Variants in SCHIP1 observed in about 807,000 individuals in gnomAD.
The protein encoded by SCHIP1 is schwannomin-interacting protein 1.
A neutral mutation model predicts 29.7 loss-of-function variants in SCHIP1; 8 were observed. The observed-to-expected ratio is 0.27, with a 90% CI of 0.16 to 0.49. SCHIP1 has a LOEUF of 0.49. Among genes scored for constraint, SCHIP1 ranks in the 20% least tolerant of loss-of-function variants. SCHIP1 has a pLI of 0.99. For synonymous variants in SCHIP1, 76 were observed against 94.9 expected, an observed-to-expected ratio of 0.80 and a Z score of 1.16; for missense variants, 193 against 294.6, an observed-to-expected ratio of 0.66 and a Z score of 2.52.
chr3:159,661,772 G>A, the SCHIP1 span, among the ~76,000 whole-genome samples: 1 of 152,044 alleles, frequency 6.6e-6, no homozygotes, highest in Non-Finnish European at 1.5e-5. Context: ...CTTTTCCAAG[G>A]GAGGAAAAGG....
the SCHIP1 span, among the ~76,000 whole-genome samples, chr3:159,502,476 C>A: frequency 6.6e-6 from 1 of 151,870 alleles, no homozygotes; most frequent in Admixed American, 6.6e-5. Context: ...AGCTTCATTT[C>A]TTTTTTTAAA....
chr3:159,864,215 G>T (rs1465667708), intron 1 of SCHIP1, among the ~76,000 whole-genome samples: 3 of 152,068 alleles, frequency 2.0e-5, no homozygotes, highest in Non-Finnish European at 2.9e-5. Context: ...TTCTGTTTTG[G>T]CTGGACCATC....
At chr3:159,439,459 C>T in the SCHIP1 span, among the ~76,000 whole-genome samples, 1 of 152,136 alleles carries the variant, frequency 6.6e-6, no homozygotes, top group Non-Finnish European at 1.5e-5. Flanking sequence ...ATCACAAAAA[C>T]AGCATGGGGG....
At chr3:159,438,844 T>G in the SCHIP1 span, among the ~76,000 whole-genome samples, 1 of 152,214 alleles carries the variant, frequency 6.6e-6, no homozygotes, top group African/African-American at 2.4e-5. Context: ...GGCTGCATAG[T>G]ATGCCATGGT....
chr3:159,661,954 G>A, the SCHIP1 span, among the ~76,000 whole-genome samples: 3 of 152,022 alleles, frequency 2.0e-5, no homozygotes, highest in South Asian at 2.1e-4. Context: ...TAACTTCCTC[G>A]TAGTTTCAGT....
the SCHIP1 span, among the ~76,000 whole-genome samples, chr3:159,597,929 A>G: frequency 6.6e-6 from 1 of 152,142 alleles, no homozygotes; most frequent in Non-Finnish European, 1.5e-5. Context: ...CAGTAAACTT[A>G]CAATCATGGT....
chr3:159,300,113 C>CTTTT, the SCHIP1 span, among the ~76,000 whole-genome samples: 402 of 45,370 alleles, frequency 8.9e-3, 87 homozygotes, highest in African/African-American at 0.023. Flanking sequence ...GGGAAAGCTG[C>CTTTT]TTTTTTTTTT....
chr3:159,558,675 C>A, the SCHIP1 span, among the ~76,000 whole-genome samples: 1 of 152,168 alleles, frequency 6.6e-6, no homozygotes. Context: ...TTGCTCACAC[C>A]AGAGTCTCAT....
chr3:159,660,850 G>A, the SCHIP1 span, among the ~76,000 whole-genome samples: 1 of 152,132 alleles, frequency 6.6e-6, no homozygotes, highest in African/African-American at 2.4e-5. Context: ...GAAAAGGAAA[G>A]AAATCAGCCC....
At chr3:159,368,259 G>A in the SCHIP1 span, among the ~76,000 whole-genome samples, 2 of 152,074 alleles carry the variant, frequency 1.3e-5, no homozygotes, top group Non-Finnish European at 2.9e-5. Flanking sequence ...ACCTTGTTCT[G>A]TGCTACTGTA....
chr3:159,367,149 T>C, the SCHIP1 span, among the ~76,000 whole-genome samples: 1 of 152,138 alleles, frequency 6.6e-6, no homozygotes, highest in East Asian at 1.9e-4. Context: ...AGCCTCCAGG[T>C]TGGGAGGCCA....
chr3:159,415,460 C>G, the SCHIP1 span, among the ~76,000 whole-genome samples: 1 of 152,162 alleles, frequency 6.6e-6, no homozygotes, highest in African/African-American at 2.4e-5. Context: ...ACCCTCTACC[C>G]TCAAGTACAC....
chr3:159,623,955 C>A, the SCHIP1 span, among the ~76,000 whole-genome samples: 1 of 152,124 alleles, frequency 6.6e-6, no homozygotes, highest in African/African-American at 2.4e-5. Flanking sequence ...GAGTCTAAGC[C>A]TCTTGATTAT....
chr3:159,352,269 C>T, the SCHIP1 span, among the ~76,000 whole-genome samples: 47 of 152,292 alleles, frequency 3.1e-4, no homozygotes, highest in African/African-American at 1.0e-3. Flanking sequence ...TTTCATTCAG[C>T]TCCTTAAATA....
At chr3:159,744,003 A>G in the SCHIP1 span, among the ~76,000 whole-genome samples, 1 of 152,186 alleles carries the variant, frequency 6.6e-6, no homozygotes, top group Non-Finnish European at 1.5e-5. Context: ...CAGTATATAT[A>G]CTGTACTGTA....
the SCHIP1 span, among the ~76,000 whole-genome samples, chr3:159,583,411 C>T: frequency 6.6e-6 from 1 of 152,226 alleles, no homozygotes; most frequent in African/African-American, 2.4e-5. Flanking sequence ...TATACTGTTA[C>T]AAAAGACAAT....
At chr3:159,604,417 T>C in the SCHIP1 span, among the ~76,000 whole-genome samples, 1 of 152,166 alleles carries the variant, frequency 6.6e-6, no homozygotes, top group East Asian at 1.9e-4. Flanking sequence ...TGCCAAGAAC[T>C]TGGTCACAAG....
At chr3:159,632,805 T>C in the SCHIP1 span, among the ~76,000 whole-genome samples, 1 of 152,096 alleles carries the variant, frequency 6.6e-6, no homozygotes, top group Non-Finnish European at 1.5e-5. Context: ...TTGATGATAC[T>C]CAGGATATTT....
the SCHIP1 span, among the ~76,000 whole-genome samples, chr3:159,368,610 A>G: frequency 1.7e-4 from 26 of 152,338 alleles, no homozygotes; most frequent in East Asian, 4.8e-3. Flanking sequence ...TAAAAATTTG[A>G]CAACCCTCTA....
Sources: gnomAD v4.1 joint callset for allele counts (sites outside exome capture counted in the v4.1 genomes callset) on GRCh38, gnomAD v4.1.1 for gene constraint, MANE v1.5 for transcripts, NCBI Gene and HGNC (gene_info 2026-07-23, HGNC 2026-07-21) for gene names.